The following GCNT2 variants were observed in gnomAD, a reference collection of about 807,000 sequenced individuals.
GCNT2 encodes the protein glucosaminyl (N-acetyl) transferase 2 (I blood group).
A neutral mutation model predicts 34.2 loss-of-function variants in GCNT2; 34 were observed. The observed-to-expected ratio is 1.00, with a 90% CI of 0.76 to 1.32. The LOEUF (loss-of-function observed/expected upper bound fraction) is 1.32, where lower values mean the gene tolerates loss of function less well. GCNT2 is among the 40% of genes most tolerant of loss of function. The probability of loss-of-function intolerance (pLI) is 0.00; values close to 1 mark genes in which losing one functional copy is unlikely to be tolerated. For missense variants in GCNT2, 584 were observed against 489.4 expected, an observed-to-expected ratio of 1.19 and a Z score of -1.82; for synonymous variants, 212 against 188.0, an observed-to-expected ratio of 1.13 and a Z score of -1.04.
rs61490868 is a variant in GCNT2 at position 10,579,826 on chromosome 6, CAAAAA to C, written c.926-41507_926-41503del. On this transcript the variant is annotated intron_variant, in intron 3 of 4. Transcript: ENST00000495262. ...GCGAGACTCCATCTCAAAAAACAAA[CAAAAA>C]AAAAAAAAAAAAAAAAACAAGTAAT... Among the ~76,000 whole-genome samples, 378 of 89,914 alleles carry C rather than the reference CAAAAA, an allele frequency of 4.2e-3. 4 individuals carry two copies. The highest frequency in any genetic ancestry group is 0.017 in the African/African-American group (346 of 20,878). The allele number at this position is 89,914 out of a possible 152,430, so 59.0% of individuals were successfully genotyped here. A position where few individuals can be genotyped will look rare whatever the true frequency, so the allele number is the denominator to read the frequency against.
intron 3 of GCNT2, among the ~76,000 whole-genome samples, chr6:10,549,443 C>G (rs1762393802): frequency 6.6e-6 from 1 of 151,780 alleles, no homozygotes; most frequent in Admixed American, 6.6e-5. Flanking sequence ...GTTGGTTTTT[C>G]AAAGTTGTCA....
rs1766327554 is a variant in GCNT2, at chr6:10,627,782, AC to A, written c.*1176del. 1.3e-5 allele frequency: 2 copies of A among 152,208 alleles called. No individual in the cohort carries two copies. The highest frequency in any genetic ancestry group is 6.5e-5 in the Admixed American group (1 of 15,282). The allele number at this position is 152,208 out of a possible 1,614,324, so 9.4% of individuals were successfully genotyped here. Reference sequence around the variant, plus strand: ...TCTTACAGAGTGATTGTAGTTTAATACAGGAACACACAGGGCTGTGTAGCAT... The same window carrying A: ...TCTTACAGAGTGATTGTAGTTTAATAAGGAACACACAGGGCTGTGTAGCAT... On this transcript the variant is annotated 3_prime_UTR_variant, in exon 5 of 5. Transcript: ENST00000495262.
At chr6:10,596,277 A>G (rs775848273) in intron 3 of GCNT2, among the ~76,000 whole-genome samples, 51 of 152,282 alleles carry the variant, frequency 3.3e-4, no homozygotes, top group Middle Eastern at 6.8e-3. Context: ...TAATCCTAGC[A>G]CTTTGGGAGG....
At chr6:10,524,668 A>T in intron 1 of GCNT2, among the ~76,000 whole-genome samples, 1 of 152,064 alleles carries the variant, frequency 6.6e-6, no homozygotes, top group East Asian at 1.9e-4. Context: ...AAAGGACAAA[A>T]TGATACAAAA....
At chr6:10,591,456 A>T (rs905984664) in intron 3 of GCNT2, among the ~76,000 whole-genome samples, 2 of 152,252 alleles carry the variant, frequency 1.3e-5, no homozygotes, top group African/African-American at 4.8e-5. Flanking sequence ...TGAAAGAATT[A>T]GCGAGCCCCA....
chr6:10,564,960 G>C (rs1375226023), intron 3 of GCNT2, among the ~76,000 whole-genome samples: 3 of 152,224 alleles, frequency 2.0e-5, no homozygotes, highest in Non-Finnish European at 4.4e-5. Flanking sequence ...GAAATGCTAT[G>C]AGGGAAATAC....
intron 3 of GCNT2, among the ~76,000 whole-genome samples, chr6:10,594,572 G>A (rs751835598): frequency 6.6e-6 from 1 of 152,162 alleles, no homozygotes; most frequent in Admixed American, 6.5e-5. Flanking sequence ...ACTTAGTAAG[G>A]CTGTTTTGAG....
chr6:10,560,806 C>T (rs1223409782), intron 3 of GCNT2, among the ~76,000 whole-genome samples: 1 of 151,950 alleles, frequency 6.6e-6, no homozygotes, highest in East Asian at 1.9e-4. Flanking sequence ...ACTAGGCTCT[C>T]TCTACACTGT....
intron 3 of GCNT2, among the ~76,000 whole-genome samples, chr6:10,589,226 G>C (rs1764519990): frequency 6.8e-6 from 1 of 147,208 alleles, no homozygotes; most frequent in Non-Finnish European, 1.5e-5. Context: ...TGTTTGCAGT[G>C]TATGTATCTG....
At chr6:10,612,143 C>T (rs530553943) in intron 3 of GCNT2, among the ~76,000 whole-genome samples, 18 of 152,148 alleles carry the variant, frequency 1.2e-4, no homozygotes, top group African/African-American at 3.6e-4. Flanking sequence ...TGTGCCACCA[C>T]GCCCGGCTAA....
chr6:10,548,227 C>T (rs1440659353), intron 3 of GCNT2, among the ~76,000 whole-genome samples: 2 of 152,158 alleles, frequency 1.3e-5, no homozygotes, highest in Non-Finnish European at 2.9e-5. Flanking sequence ...GAATGAGACC[C>T]TATCTCTAAA....
chr6:10,629,201 T>A lies in GCNT2; in HGVS notation c.*2594T>A, dbSNP rs1766386762. The A allele has an allele frequency of 6.5e-6, 1 of 152,688 alleles. No homozygotes were observed. The highest frequency in any genetic ancestry group is 1.5e-5 in the Non-Finnish European group (1 of 68,052). The allele number at this position is 152,688 out of a possible 1,614,324, so 9.5% of individuals were successfully genotyped here. On this transcript the variant is annotated 3_prime_UTR_variant, in exon 5 of 5. Coordinates refer to ENST00000495262, the MANE Select transcript of GCNT2 (RefSeq NM_145649.5). ...TTGATGTTTACATGTCTGTTGTTGGTCATCTCTCCTGTGTCTTAAATACTT... is the reference window on the plus strand; with the variant it reads ...TTGATGTTTACATGTCTGTTGTTGGACATCTCTCCTGTGTCTTAAATACTT...
intron 3 of GCNT2, among the ~76,000 whole-genome samples, chr6:10,546,836 C>G (rs1762295559): frequency 6.6e-6 from 1 of 152,028 alleles, no homozygotes; most frequent in Non-Finnish European, 1.5e-5. Context: ...TAAAACATGT[C>G]CATACTTCTT....
chr6:10,554,904 AAGTT>A (rs1762625706), intron 3 of GCNT2, among the ~76,000 whole-genome samples: 1 of 152,166 alleles, frequency 6.6e-6, no homozygotes. Flanking sequence ...TAAACAATGA[AAGTT>A]AGAAGAATGG....
At chr6:10,604,245 GTTTT>G (rs1005029128) in intron 3 of GCNT2, among the ~76,000 whole-genome samples, 1 of 151,942 alleles carries the variant, frequency 6.6e-6, no homozygotes, top group Non-Finnish European at 1.5e-5. Context: ...TTCATAATGT[GTTTT>G]TTTATTTGAT....
At chr6:10,555,553 A>G (rs149613136) in intron 3 of GCNT2, among the ~76,000 whole-genome samples, 2 of 152,326 alleles carry the variant, frequency 1.3e-5, no homozygotes, top group East Asian at 3.9e-4. Context: ...AAGGTCTCAT[A>G]TAACTCAGTG....
At chr6:10,571,403 G>A (rs1415643623) in intron 3 of GCNT2, among the ~76,000 whole-genome samples, 4 of 152,128 alleles carry the variant, frequency 2.6e-5, no homozygotes, top group Non-Finnish European at 4.4e-5. Context: ...GCTGGATGGA[G>A]TGCAATGGTG....
chr6:10,570,072 G>A (rs190104029), intron 3 of GCNT2, among the ~76,000 whole-genome samples: 19 of 151,990 alleles, frequency 1.3e-4, no homozygotes, highest in Admixed American at 4.6e-4. Flanking sequence ...AGGCTCATGC[G>A]TTCCTCCCAT....
chr6:10,527,910 T>G (rs956222876), intron 2 of GCNT2, among the ~76,000 whole-genome samples: 1 of 152,190 alleles, frequency 6.6e-6, no homozygotes, highest in African/African-American at 2.4e-5. Context: ...TTTGTAAATC[T>G]GGACATAAGA....
Sources: gnomAD v4.1 joint callset for allele counts (sites outside exome capture counted in the v4.1 genomes callset) on GRCh38, gnomAD v4.1.1 for gene constraint, MANE v1.5 for transcripts, NCBI Gene and HGNC (gene_info 2026-07-23, HGNC 2026-07-21) for gene names.